CHRNG: variants seen among roughly 807,000 people sequenced by gnomAD.
CHRNG encodes the protein acetylcholine receptor subunit gamma.
A neutral mutation model predicts 65.2 loss-of-function variants in CHRNG; 72 were observed. The ratio of observed to expected loss-of-function variants is 1.10; its 90% CI spans 0.91 to 1.34. The LOEUF is 1.34. CHRNG is among the 40% of genes most tolerant of loss of function. The pLI is 0.00. For missense variants in CHRNG, 637 were observed against 680.1 expected, an observed-to-expected ratio of 0.94 and a Z score of 0.70; for synonymous variants, 284 against 290.2, an observed-to-expected ratio of 0.98 and a Z score of 0.22.
rs753412578 is a variant in CHRNG, at chr2:232,544,490, G to C, written c.1159G>C (p.Glu387Gln). 2 of 1,613,840 alleles carry C rather than the reference G, an allele frequency of 1.2e-6. No individual in the cohort carries two copies. The highest frequency in any genetic ancestry group is 2.2e-5 in the South Asian group (2 of 91,086). ...CTCGGGATGGTCGATCACAACTGGGGAGGAGGTGGCCCTCTGCCTGCCTCG... is the reference window on the plus strand; with the variant it reads ...CTCGGGATGGTCGATCACAACTGGGCAGGAGGTGGCCCTCTGCCTGCCTCG... ...GSSGWSITTG[E>Q]EVALCLPRSE... is the part of the protein sequence containing the mutation. The change falls in exon 10 of 12, where the codon GAG becomes CAG. Residue 387 changes from glutamate (E) to glutamine (Q), a missense_variant. Transcript: ENST00000651502.
intron 7 of CHRNG, 56 bp downstream of exon 7, chr2:232,543,138 C>T (rs1271196334): frequency 7.0e-6 from 11 of 1,574,704 alleles, no homozygotes; most frequent in South Asian, 1.1e-5. Flanking sequence ...ACCTGGGAGG[C>T]CGGGGTGGGC....
Position 232,545,690 on chromosome 2 carries a change from C to T in CHRNG, c.1528C>T (p.Arg510Cys), listed in dbSNP as rs762066089. 8.2e-5 allele frequency: 133 copies of T among 1,614,068 alleles called. No individual in the cohort carries two copies. Among genetic ancestry groups the T allele is most frequent in the Non-Finnish European group, 1.1e-4 (128 of 1,180,048 alleles). Residue 510 changes from arginine (R) to cysteine (C), a missense_variant, in exon 12 of 12, where the codon CGC becomes TGC. Transcript: ENST00000651502. ...GGCCCTGCCATTCCCTGGAGATCCA[C>T]GCCCCTACCTGCCCTCACCAGACTG... ...VPALPFPGDP[R>C]PYLPSPD
chr2:232,541,343 C>A lies in CHRNG; in HGVS notation c.351-31C>A, dbSNP rs1295343786. ...GGGGTGTCGGGGGCTGAGCCCACAG[C>A]CTCGTGGCCTGGCCTGTTCTGTGCA... is the stretch of plus-strand genomic sequence containing the variant. On this transcript the variant is annotated intron_variant, in intron 4 of 11. Transcript: ENST00000651502. The surrounding 1 kb of genome is among the most constrained non-coding windows in gnomAD (Gnocchi z 4.0). 6.2e-7 allele frequency: 1 copy of A among 1,613,648 alleles called. No individual in the cohort carries two copies. The highest frequency in any genetic ancestry group is 1.3e-5 in the African/African-American group (1 of 74,986).
Position 232,540,223 on chromosome 2 carries a change from G to A in CHRNG, c.195+92G>A, listed in dbSNP as rs1338485905. 3.0e-5 allele frequency: 49 copies of A among 1,609,688 alleles called. No homozygotes were observed. The East Asian group carries it at 9.4e-4, about 31-fold the overall frequency. ...TGGCTCCAGCCACCAAGAGGTTGGA[G>A]GGCCCTAAATCGGACAGGCTGGGGT... On this transcript the variant is annotated intron_variant, in intron 2 of 11. Coordinates refer to ENST00000651502, the MANE Select transcript of CHRNG (RefSeq NM_005199.5). This position sits in a 1 kb window ranked among gnomAD's most constrained non-coding sequence, Gnocchi z 4.2.
chr2:232,541,544 T>G lies in CHRNG; in HGVS notation c.506+15T>G, dbSNP rs1692018123. The G allele has an allele frequency of 1.2e-6, 2 of 1,612,670 alleles. No homozygotes were observed. Among genetic ancestry groups the G allele is most frequent in the Non-Finnish European group, 1.7e-6 (2 of 1,179,924 alleles). On this transcript the variant is annotated intron_variant, in intron 5 of 11. Coordinates refer to ENST00000651502, the MANE Select transcript of CHRNG (RefSeq NM_005199.5). The surrounding 1 kb of genome is among the most constrained non-coding windows in gnomAD (Gnocchi z 4.0). ...CTTATCTTCCAGTGAGGCCATTTAT[T>G]GGGGAGGATTAAGAGAGCTGCTCTC...
chr2:232,544,479 T>C lies in CHRNG; in HGVS notation c.1148T>C (p.Ile383Thr), dbSNP rs144961313. The stretch of plus-strand genomic sequence containing the variant: ...CAGAATGGCTCCTCGGGATGGTCGA[T>C]CACAACTGGGGAGGAGGTGGCCCTC... ...RLQNGSSGWSITTGEEVALCL... is the reference protein window; with the variant it reads ...RLQNGSSGWSTTTGEEVALCL... The change falls in exon 10 of 12, where the codon ATC (isoleucine) becomes ACC (threonine). Residue 383 changes from isoleucine (I) to threonine (T), a missense_variant. By Grantham distance (89) the Ile-to-Thr change is moderately conservative (BLOSUM62 -1). Coordinates refer to ENST00000651502, the MANE Select transcript of CHRNG (RefSeq NM_005199.5). 2.5e-6 allele frequency: 4 copies of C among 1,613,764 alleles called. No individual in the cohort carries two copies. Among genetic ancestry groups the C allele is most frequent in the Non-Finnish European group, 3.4e-6 (4 of 1,180,000 alleles).
In CHRNG at chr2:232,547,066, T is replaced by A. The variant is rs937769659; in HGVS notation, c.*1350T>A. On this transcript the variant is annotated 3_prime_UTR_variant, in exon 12 of 12. Coordinates refer to ENST00000651502, the MANE Select transcript of CHRNG (RefSeq NM_005199.5). Reference sequence around the variant, plus strand: ...AGGGGACACCCTTGGGCAAGTCACCTATGCTCCCTGAGGCTGTTCCCTCAT... The same window carrying A: ...AGGGGACACCCTTGGGCAAGTCACCAATGCTCCCTGAGGCTGTTCCCTCAT... 6.6e-6 allele frequency among the ~76,000 whole-genome samples: 1 copy of A among 152,170 alleles called. No homozygotes were observed. The highest frequency in any genetic ancestry group is 1.5e-5 in the Non-Finnish European group (1 of 68,030).
intron 9 of CHRNG, among the ~76,000 whole-genome samples, chr2:232,543,992 T>C (rs565332450): frequency 1.7e-3 from 255 of 152,348 alleles, no homozygotes; most frequent in Middle Eastern, 3.4e-3. Flanking sequence ...GGAAGTGCAC[T>C]ACAAAGTCGA....
Position 232,540,716 on chromosome 2 carries a change from G to T in CHRNG, c.350+5G>T. On this transcript the variant is annotated splice_donor_5th_base_variant and intron_variant, in intron 4 of 11. Coordinates refer to ENST00000651502, the MANE Select transcript of CHRNG (RefSeq NM_005199.5). The surrounding 1 kb of genome is among the most constrained non-coding windows in gnomAD (Gnocchi z 4.2). ...GGATATCGTGCTGGAGAACAAGTGAGGAGGGGGTGCAGGCAGGGGTGTGGG... is the reference window on the plus strand; with the variant it reads ...GGATATCGTGCTGGAGAACAAGTGATGAGGGGGTGCAGGCAGGGGTGTGGG... 1 of 1,609,662 alleles carries T rather than the reference G, an allele frequency of 6.2e-7. No homozygotes were observed. Among genetic ancestry groups the T allele is most frequent in the African/African-American group, 1.3e-5 (1 of 75,012 alleles).
chr2:232,546,012 C>A lies in CHRNG; in HGVS notation c.*296C>A. 1.9e-6 allele frequency: 1 copy of A among 522,220 alleles called. No homozygotes were observed. Among genetic ancestry groups the A allele is most frequent in the Admixed American group, 3.1e-5 (1 of 32,290 alleles). 32.3% of individuals were successfully genotyped at this position (522,220 alleles called of 1,614,324 possible). A position where few individuals can be genotyped will look rare whatever the true frequency, so the allele number is the denominator to read the frequency against. On this transcript the variant is annotated 3_prime_UTR_variant, in exon 12 of 12. Coordinates refer to ENST00000651502, the MANE Select transcript of CHRNG (RefSeq NM_005199.5). ...GTGCACTCCCCTCACTTAGGCAAAG[C>A]ATTATTCATTCCCATCAGTCTGAAG...
Position 232,543,053 on chromosome 2 carries a change from C to A in CHRNG, c.776C>A (p.Ala259Asp). ...IAPCVLISSVAILIHFLPAKA... is the reference protein window; with the variant it reads ...IAPCVLISSVDILIHFLPAKA... ...CCCTGTGTGCTCATCTCCTCTGTCG[C>A]CATCCTCATCCACTTCCTTCCTGCC... Residue 259 changes from alanine (A) to aspartate (D), a missense_variant, in exon 7 of 12, where the codon GCC becomes GAC. Coordinates refer to ENST00000651502, the MANE Select transcript of CHRNG (RefSeq NM_005199.5). The A allele has an allele frequency of 6.2e-7, 1 of 1,614,220 alleles. No homozygotes were observed. The highest frequency in any genetic ancestry group is 8.5e-7 in the Non-Finnish European group (1 of 1,180,036).
rs1292328051 is a variant in CHRNG, at chr2:232,540,789, A to G, written c.350+78A>G. 7.6e-7 allele frequency: 1 copy of G among 1,313,464 alleles called. No individual in the cohort carries two copies. 81.4% of individuals were successfully genotyped at this position (1,313,464 alleles called of 1,614,324 possible). A position where few individuals can be genotyped will look rare whatever the true frequency, so the allele number is the denominator to read the frequency against. Reference sequence around the variant, plus strand: ...GCCCAGCAGAACAAGGCACTCTGGGAAAAGAGAAAGATGAGCAGAGGGTGC... The same window carrying G: ...GCCCAGCAGAACAAGGCACTCTGGGGAAAGAGAAAGATGAGCAGAGGGTGC... On this transcript the variant is annotated intron_variant, in intron 4 of 11. Transcript: ENST00000651502. This position sits in a 1 kb window ranked among gnomAD's most constrained non-coding sequence, Gnocchi z 4.2.
In CHRNG at chr2:232,541,805, G is replaced by T; in HGVS notation, c.506+276G>T. 1.8e-6 allele frequency: 1 copy of T among 547,060 alleles called. No individual in the cohort carries two copies. The highest frequency in any genetic ancestry group is 3.2e-5 in the East Asian group (1 of 31,298). 33.9% of individuals were successfully genotyped at this position (547,060 alleles called of 1,614,324 possible). On this transcript the variant is annotated intron_variant, in intron 5 of 11. Transcript: ENST00000651502. This position sits in a 1 kb window ranked among gnomAD's most constrained non-coding sequence, Gnocchi z 4.0. ...ACATTCACGCCTGGGGTGCGTGGGT[G>T]AGAAGGCACACATGCACACAAGATG...
At chr2:232,542,317 T>C (rs1203933688) in intron 5 of CHRNG, 106 bp from the exon 6 acceptor site, 1 of 759,150 alleles carries the variant, frequency 1.3e-6, no homozygotes, top group Non-Finnish European at 2.3e-6. Context: ...TGGGGCTGCA[T>C]TTTGTTGAAG....
intron 8 of CHRNG, 98 bp downstream of exon 8, chr2:232,543,487 C>CCCG (rs1193786418): frequency 7.1e-5 from 84 of 1,182,142 alleles, no homozygotes; most frequent in Non-Finnish European, 1.5e-5. Flanking sequence ...TCCACCCCCC[C>CCCG]CATCCTCAAT....
chr2:232,545,866 G>C lies in CHRNG; in HGVS notation c.*150G>C. ...GCCAAACAGCCCTGAGAAAAGCTGG[G>C]GAAACAGTCTGAGCTGGAGTCCGAG... On this transcript the variant is annotated 3_prime_UTR_variant, in exon 12 of 12. Coordinates refer to ENST00000651502, the MANE Select transcript of CHRNG (RefSeq NM_005199.5). 1 of 912,062 alleles carries C rather than the reference G, an allele frequency of 1.1e-6. No individual in the cohort carries two copies. Among genetic ancestry groups the C allele is most frequent in the South Asian group, 1.4e-5 (1 of 72,078 alleles). 56.5% of individuals were successfully genotyped at this position (912,062 alleles called of 1,614,324 possible). A position where few individuals can be genotyped will look rare whatever the true frequency, so the allele number is the denominator to read the frequency against.
Position 232,540,740 on chromosome 2 carries a change from G to T in CHRNG, c.350+29G>T. On this transcript the variant is annotated intron_variant, in intron 4 of 11. Transcript: ENST00000651502. The surrounding 1 kb of genome is among the most constrained non-coding windows in gnomAD (Gnocchi z 4.2). ...AGGAGGGGGTGCAGGCAGGGGTGTG[G>T]GGGACAAAGGACACAGGGTCTGGGC... 1 of 1,579,822 alleles carries T rather than the reference G, an allele frequency of 6.3e-7. No individual in the cohort carries two copies. Among genetic ancestry groups the T allele is most frequent in the Non-Finnish European group, 8.6e-7 (1 of 1,157,662 alleles).
chr2:232,544,401 T>TGCA lies in CHRNG; in HGVS notation c.1071_1073dup (p.Met357_His358insGln). On this transcript the variant is annotated inframe_insertion, in exon 10 of 12. Transcript: ENST00000651502. ...AGGCTCTTGCCCCAGCTGCTGAGGA[T>TGCA]GCACGTTCGCCCGCTGGCCCCGGCA... 1.2e-6 allele frequency: 2 copies of TGCA among 1,613,474 alleles called. No homozygotes were observed. The highest frequency in any genetic ancestry group is 1.7e-6 in the Non-Finnish European group (2 of 1,180,004).
rs1881492 is a variant in CHRNG, at chr2:232,542,288, T to G, written c.507-135T>G. ...TCTCCATATCTCGCCAGTGGGGTTT[T>G]ATAGAGAACTCAGAAGCGTGGGGCT... On this transcript the variant is annotated intron_variant, in intron 5 of 11. Coordinates refer to ENST00000651502, the MANE Select transcript of CHRNG (RefSeq NM_005199.5). The G allele has an allele frequency of 0.81, 564,029 of 692,560 alleles. 230,215 individuals carry two copies. The highest frequency in any genetic ancestry group is 0.86 in the East Asian group (31,818 of 37,064). The allele number at this position is 692,560 out of a possible 1,614,324, so 42.9% of individuals were successfully genotyped here.
Sources: gnomAD v4.1 joint callset for allele counts (sites outside exome capture counted in the v4.1 genomes callset) on GRCh38, gnomAD v4.1.1 for gene constraint, Gnocchi (gnomAD v3.1) non-coding constraint, MANE v1.5 for transcripts, NCBI Gene and HGNC (gene_info 2026-07-23, HGNC 2026-07-21) for gene names.